Variants in BRSK2 observed in about 807,000 individuals in gnomAD.
BRSK2 encodes the protein BR serine/threonine kinase 2.
Under a neutral mutation model 83.3 loss-of-function variants are expected in BRSK2, and 19 were observed. The observed-to-expected ratio is 0.23, with a 90% CI of 0.16 to 0.33. The LOEUF (loss-of-function observed/expected upper bound fraction) is 0.33, where lower values mean the gene tolerates loss of function less well. Among genes scored for constraint, BRSK2 ranks in the 10% least tolerant of loss-of-function variants. The probability of loss-of-function intolerance (pLI) is 1.00; values close to 1 mark genes in which losing one functional copy is unlikely to be tolerated. For missense variants in BRSK2, 798 were observed against 1,042.3 expected (o/e 0.77, Z 3.23); for synonymous variants, 519 against 435.4 (o/e 1.19, Z -2.39).
In BRSK2 at chr11:1,445,812, G is replaced by A. The variant is rs1851974357; in HGVS notation, c.1131G>A (p.Arg377=). ...SPMLNRHGKR[R]PERKSMEVLS... ...TGCTGAACCGGCACGGCAAGCGGCG[G>A]CCAGAACGCAAATCCATGGAGGTGC... is the stretch of plus-strand genomic sequence containing the variant. The change falls in exon 12 of 20, where the codon CGG becomes CGA. Residue 377 remains arginine (R), a synonymous_variant. Transcript: ENST00000528841. The A allele has an allele frequency of 6.2e-7, 1 of 1,612,502 alleles. No homozygotes were observed. Among genetic ancestry groups the A allele is most frequent in the Non-Finnish European group, 8.5e-7 (1 of 1,179,744 alleles).
chr11:1,397,995 T>A (rs888675894), intron 1 of BRSK2, among the ~76,000 whole-genome samples: 5 of 151,856 alleles, frequency 3.3e-5, no homozygotes, highest in Non-Finnish European at 5.9e-5. Flanking sequence ...CGGGCAGAGG[T>A]GGGAGGGCGC....
At chr11:1,428,747 C>T (rs1849534847) in intron 1 of BRSK2, among the ~76,000 whole-genome samples, 1 of 152,174 alleles carries the variant, frequency 6.6e-6, no homozygotes, top group Non-Finnish European at 1.5e-5. Context: ...CGTATGTGTG[C>T]ATGATGGTAT....
At position 1,460,702 on chromosome 11, in the gene BRSK2, C is replaced by T. The variant is rs754710912; in HGVS notation, c.2190C>T (p.Thr730=). Residue 730 remains threonine, a synonymous_variant, in exon 20 of 20, where the codon ACC becomes ACT. Coordinates refer to ENST00000528841, the MANE Select transcript of BRSK2 (RefSeq NM_001256627.2). Reference sequence around the variant, plus strand: ...ACACGGCCAAGATGGGCCCGCCCACCGCCCGCCGCGAGCAGCCTTAGACAC... The same window carrying T: ...ACACGGCCAAGATGGGCCCGCCCACTGCCCGCCGCGAGCAGCCTTAGACAC... ...GKDTAKMGPP[T]ARREQP is the part of the protein sequence containing the mutation. 18 of 1,465,594 alleles carry T rather than the reference C, an allele frequency of 1.2e-5. No individual in the cohort carries two copies. The highest frequency in any genetic ancestry group is 6.3e-5 in the South Asian group (5 of 79,126). The allele number at this position is 1,465,594 out of a possible 1,614,324, so 90.8% of individuals were successfully genotyped here. A position where few individuals can be genotyped will look rare whatever the true frequency, so the allele number is the denominator to read the frequency against.
intron 1 of BRSK2, among the ~76,000 whole-genome samples, chr11:1,403,054 C>CG (rs36034019): frequency 6.6e-6 from 1 of 152,174 alleles, no homozygotes; most frequent in East Asian, 1.9e-4. Flanking sequence ...GGGGCCACCA[C>CG]GGGGTAGGTG....
chr11:1,425,390 G>A (rs1488721910), intron 1 of BRSK2, among the ~76,000 whole-genome samples: 1 of 152,212 alleles, frequency 6.6e-6, no homozygotes. Context: ...TGCCCACTGA[G>A]CTCCCCAGAG....
At chr11:1,410,720 G>A (rs1430539155) in intron 1 of BRSK2, 3 of 985,310 alleles carry the variant, frequency 3.0e-6, no homozygotes, top group African/African-American at 3.5e-5. Flanking sequence ...CCTAGGGTGG[G>A]ACCATGGGGG....
At position 1,403,951 on chromosome 11, in the gene BRSK2, C is replaced by T. The variant is rs556585492; in HGVS notation, c.91+13576C>T. On this transcript the variant is annotated intron_variant, in intron 1 of 19. Transcript: ENST00000528841. ...GCATCACGGGAGTTGGGATGGGAGG[C>T]GGGCGGTGGGCCTGGTCAGATGGGG... Among the ~76,000 whole-genome samples, 10 of 152,272 alleles carry T rather than the reference C, an allele frequency of 6.6e-5. No individual in the cohort carries two copies. In the East Asian group the frequency reaches 1.2e-3, roughly 18 times the overall value.
intron 1 of BRSK2, among the ~76,000 whole-genome samples, chr11:1,420,274 C>T (rs557926861): frequency 4.5e-4 from 69 of 152,348 alleles, no homozygotes; most frequent in African/African-American, 1.6e-3. Flanking sequence ...GGTGTGACCC[C>T]AACTACCCTT....
At chr11:1,436,205 C>G (rs1314805205) in intron 2 of BRSK2, 71 bp downstream of exon 2, 2 of 378,748 alleles carry the variant, frequency 5.3e-6, no homozygotes, top group Non-Finnish European at 7.3e-6. Flanking sequence ...GGGTGGGAGC[C>G]AAGGTTGTGG....
At chr11:1,427,271 G>A (rs908051557) in intron 1 of BRSK2, among the ~76,000 whole-genome samples, 2 of 152,208 alleles carry the variant, frequency 1.3e-5, no homozygotes, top group Non-Finnish European at 2.9e-5. Context: ...CTGAGTGCAG[G>A]GGCAGGGGCT....
At position 1,390,668 on chromosome 11, in the gene BRSK2, G is replaced by A. The variant is rs1564786096; in HGVS notation, c.91+293G>A. ...ACGGCGCCCCTCGGGCCCCGCTGCAGGTGCGCGGCCCGGGCCGCATTGTGC... is the reference window on the plus strand; with the variant it reads ...ACGGCGCCCCTCGGGCCCCGCTGCAAGTGCGCGGCCCGGGCCGCATTGTGC... On this transcript the variant is annotated intron_variant, in intron 1 of 19. Transcript: ENST00000528841. The surrounding 1 kb of genome is among the most constrained non-coding windows in gnomAD (Gnocchi z 6.8). 6.7e-6 allele frequency among the ~76,000 whole-genome samples: 1 copy of A among 148,840 alleles called. No individual in the cohort carries two copies. The highest frequency in any genetic ancestry group is 1.5e-5 in the Non-Finnish European group (1 of 66,942).
chr11:1,439,701 C>T (rs1337488966), intron 3 of BRSK2, among the ~76,000 whole-genome samples: 1 of 151,888 alleles, frequency 6.6e-6, no homozygotes, highest in Admixed American at 6.5e-5. Context: ...TTGGGCCTGG[C>T]CGCCCCCCTG....
chr11:1,395,764 C>T (rs890160481), intron 1 of BRSK2, among the ~76,000 whole-genome samples: 16 of 152,314 alleles, frequency 1.1e-4, no homozygotes, highest in South Asian at 2.1e-4. Flanking sequence ...GGTGCGTGCA[C>T]GCCGTGGATT....
intron 1 of BRSK2, among the ~76,000 whole-genome samples, chr11:1,414,820 G>A (rs1168802125): frequency 4.6e-5 from 7 of 152,156 alleles, no homozygotes; most frequent in East Asian, 1.9e-4. Flanking sequence ...CATGCTGTGC[G>A]TCCGTCTGCG....
At position 1,454,245 on chromosome 11, in the gene BRSK2, A is replaced by G. The variant is rs901611122; in HGVS notation, c.1545-240A>G. 2.3e-6 allele frequency: 1 copy of G among 428,442 alleles called. No individual in the cohort carries two copies. The highest frequency in any genetic ancestry group is 4.3e-6 in the Non-Finnish European group (1 of 235,120). 26.5% of individuals were successfully genotyped at this position (428,442 alleles called of 1,614,324 possible). A position where few individuals can be genotyped will look rare whatever the true frequency, so the allele number is the denominator to read the frequency against. ...GCATATGGGCCAGGGTCAGGGCGTT[A>G]GGGCTTGGAGAAAGGTTAGGGTTGG... On this transcript the variant is annotated intron_variant, in intron 15 of 19. Transcript: ENST00000528841. The surrounding 1 kb of genome is among the most constrained non-coding windows in gnomAD (Gnocchi z 5.2).
intron 8 of BRSK2, 41 bp downstream of exon 8, chr11:1,443,676 G>T: frequency 1.3e-6 from 2 of 1,504,838 alleles, no homozygotes; most frequent in Non-Finnish European, 8.9e-7. Context: ...AGCGTGGCGG[G>T]GGGGCGCGGG....
At chr11:1,421,236 CCT>C (rs1449452051) in intron 1 of BRSK2, among the ~76,000 whole-genome samples, 1 of 152,174 alleles carries the variant, frequency 6.6e-6, no homozygotes. Context: ...TCAGGAGACC[CCT>C]GAGGCCAGGC....
rs1847461958 is a variant in BRSK2, at chr11:1,461,219, A to G, written c.*496A>G. On this transcript the variant is annotated 3_prime_UTR_variant, in exon 20 of 20. Coordinates refer to ENST00000528841, the MANE Select transcript of BRSK2 (RefSeq NM_001256627.2). Reference sequence around the variant, plus strand: ...CTCCCGGTCACCTGACCCCTCAGCAAGAACAGCCTGCCTGGTGGCCTTCTG... The same window carrying G: ...CTCCCGGTCACCTGACCCCTCAGCAGGAACAGCCTGCCTGGTGGCCTTCTG... The G allele has an allele frequency of 3.2e-6, 2 of 627,880 alleles. No homozygotes were observed. The highest frequency in any genetic ancestry group is 4.2e-5 in the South Asian group (2 of 48,100). The allele number at this position is 627,880 out of a possible 1,614,324, so 38.9% of individuals were successfully genotyped here.
At chr11:1,434,086 C>T (rs902433420) in intron 1 of BRSK2, among the ~76,000 whole-genome samples, 6 of 152,192 alleles carry the variant, frequency 3.9e-5, no homozygotes, top group Non-Finnish European at 8.8e-5. Flanking sequence ...AGGGCTCTTG[C>T]AAATTGGTAA....
Sources: allele counts gnomAD v4.1 joint callset (sites outside exome capture counted in the v4.1 genomes callset), GRCh38; gene constraint gnomAD v4.1.1; non-coding constraint Gnocchi (gnomAD v3.1); transcripts MANE v1.5; gene names NCBI Gene and HGNC (gene_info 2026-07-23, HGNC 2026-07-21).